Variants in EPB41 observed in about 807,000 individuals in gnomAD.
EPB41 encodes protein 4.1.
A neutral mutation model predicts 108.0 loss-of-function variants in EPB41; 65 were observed. That is an observed-to-expected ratio of 0.60 (90% CI 0.49 to 0.74). EPB41 has a LOEUF of 0.74. Ranked by LOEUF, EPB41 falls within the 30% of genes least tolerant of loss-of-function variation. EPB41 has a pLI of 0.00. For missense variants in EPB41, 875 were observed against 1,037.0 expected, an observed-to-expected ratio of 0.84 and a Z score of 2.15; for synonymous variants, 336 against 358.9, an observed-to-expected ratio of 0.94 and a Z score of 0.72.
chr1:29,076,621 G>A (rs1654176674), intron 16 of EPB41, among the ~76,000 whole-genome samples: 1 of 152,154 alleles, frequency 6.6e-6, no homozygotes, highest in Admixed American at 6.5e-5. Context: ...TTATGGAAAT[G>A]TACTTTCTGC....
chr1:29,000,081 G>A (rs1332907333), intron 4 of EPB41, among the ~76,000 whole-genome samples: 1 of 151,036 alleles, frequency 6.6e-6, no homozygotes, highest in East Asian at 2.0e-4. Flanking sequence ...GACCCACTAT[G>A]CCTTGCCACT....
rs953483696 is a variant in EPB41 at position 28,971,260 on chromosome 1, T to C, written c.-7-16171T>C. Among the ~76,000 whole-genome samples, 16 of 136,010 alleles carry C rather than the reference T, an allele frequency of 1.2e-4. No individual in the cohort carries two copies. In the South Asian group the frequency reaches 2.8e-3, roughly 23 times the overall value. 89.2% of individuals were successfully genotyped at this position (136,010 alleles called of 152,430 possible). Reference sequence around the variant, plus strand: ...GTGCAGTGGCGCGATCTTGGCTCACTGCAACCTCTGCCTCCCAGGTTCAAG... The same window carrying C: ...GTGCAGTGGCGCGATCTTGGCTCACCGCAACCTCTGCCTCCCAGGTTCAAG... On this transcript the variant is annotated intron_variant, in intron 1 of 20. Transcript: ENST00000343067.
At chr1:29,001,279 G>A (rs1357216345) in intron 4 of EPB41, among the ~76,000 whole-genome samples, 1 of 152,118 alleles carries the variant, frequency 6.6e-6, no homozygotes, top group Non-Finnish European at 1.5e-5. Context: ...GCAGGGAGCC[G>A]AGGTCACGCC....
intron 1 of EPB41, among the ~76,000 whole-genome samples, chr1:28,967,922 A>T (rs1057156986): frequency 6.7e-6 from 1 of 150,282 alleles, no homozygotes; most frequent in African/African-American, 2.5e-5. Flanking sequence ...TTCATTCCTC[A>T]ACCTCCTGAA....
intron 1 of EPB41, among the ~76,000 whole-genome samples, chr1:28,982,001 C>T (rs542551922): frequency 2.8e-4 from 43 of 151,916 alleles, no homozygotes; most frequent in South Asian, 6.2e-4. Context: ...CCCATTAACT[C>T]GTCATTTAGC....
intron 4 of EPB41, among the ~76,000 whole-genome samples, chr1:29,008,784 C>CAAA (rs2096453353): frequency 1.3e-5 from 2 of 152,202 alleles, no homozygotes; most frequent in Admixed American, 6.5e-5. Flanking sequence ...CTCCTCTTTG[C>CAAA]CTCTGTGCTC....
chr1:28,973,394 AT>A (rs2095535527), intron 1 of EPB41, among the ~76,000 whole-genome samples: 2 of 151,662 alleles, frequency 1.3e-5, no homozygotes, highest in African/African-American at 4.8e-5. Flanking sequence ...CCTTTTGTTT[AT>A]TTTTATTTTT....
At chr1:28,959,364 G>A (rs1333172532) in intron 1 of EPB41, among the ~76,000 whole-genome samples, 2 of 151,924 alleles carry the variant, frequency 1.3e-5, no homozygotes, top group Non-Finnish European at 2.9e-5. Context: ...TTACGGGCCT[G>A]TGCCACTACG....
chr1:29,057,797 T>C (rs1263873237), intron 12 of EPB41, among the ~76,000 whole-genome samples: 2 of 152,168 alleles, frequency 1.3e-5, no homozygotes, highest in Non-Finnish European at 2.9e-5. Context: ...ATTTCAAAGC[T>C]AGGCAGGAGA....
chr1:28,898,462 C>T (rs1253588729), intron 1 of EPB41, among the ~76,000 whole-genome samples: 1 of 152,246 alleles, frequency 6.6e-6, no homozygotes, highest in Non-Finnish European at 1.5e-5. Flanking sequence ...GAAGTGGGAA[C>T]AGCAGGCTTT....
Position 28,975,784 on chromosome 1 carries a change from C to T in EPB41, c.-7-11647C>T, listed in dbSNP as rs137902807. On this transcript the variant is annotated intron_variant, in intron 1 of 20. Coordinates refer to ENST00000343067, the MANE Select transcript of EPB41 (RefSeq NM_001376013.1). ...GAGCTCGAGAACATCCTGGCTAACACGGTGAAACCCCGTCTCTAATAAAAA... is the reference window on the plus strand; with the variant it reads ...GAGCTCGAGAACATCCTGGCTAACATGGTGAAACCCCGTCTCTAATAAAAA... Among the ~76,000 whole-genome samples, 568 of 151,768 alleles carry T rather than the reference C, an allele frequency of 3.7e-3. 6 individuals are homozygous for T. Among genetic ancestry groups the T allele is most frequent in the African/African-American group, 0.013 (528 of 41,390 alleles).
intron 1 of EPB41, among the ~76,000 whole-genome samples, chr1:28,984,396 A>T (rs754176978): frequency 9.9e-5 from 15 of 152,122 alleles, no homozygotes; most frequent in Non-Finnish European, 1.5e-4. Context: ...ATTTATTTTG[A>T]ATTTTTCTTT....
chr1:29,066,616 A>G (rs1184415948), intron 16 of EPB41, among the ~76,000 whole-genome samples: 1 of 152,182 alleles, frequency 6.6e-6, no homozygotes, highest in Admixed American at 6.5e-5. Context: ...TTTTCCCCCA[A>G]AACAATAGCA....
At chr1:29,077,245 A>G (rs1205278188) in intron 16 of EPB41, among the ~76,000 whole-genome samples, 1 of 152,024 alleles carries the variant, frequency 6.6e-6, no homozygotes, top group East Asian at 1.9e-4. Flanking sequence ...GTCAGTTTCT[A>G]TTGTTAATGT....
intron 2 of EPB41, among the ~76,000 whole-genome samples, chr1:28,991,681 G>A (rs2096021338): frequency 7.2e-6 from 1 of 138,038 alleles, no homozygotes; most frequent in Admixed American, 7.8e-5. Context: ...CAGCCTGGGT[G>A]ATAGAGTGAG....
chr1:28,908,665 C>T (rs1472669734), intron 1 of EPB41, among the ~76,000 whole-genome samples: 3 of 149,364 alleles, frequency 2.0e-5, no homozygotes, highest in African/African-American at 7.3e-5. Flanking sequence ...CTCCTGACCT[C>T]GTGATCCACC....
At chr1:29,083,843 G>A (rs1201576168) in intron 16 of EPB41, among the ~76,000 whole-genome samples, 1 of 152,148 alleles carries the variant, frequency 6.6e-6, no homozygotes, top group East Asian at 1.9e-4. Context: ...TTGTTAAAGA[G>A]AAGAATATAG....
chr1:29,080,411 CT>C (rs62880161), intron 16 of EPB41, among the ~76,000 whole-genome samples: 16,528 of 139,488 alleles, frequency 0.12, 1,055 homozygotes, highest in African/African-American at 0.22. Flanking sequence ...CCCTTTTTTT[CT>C]TTTTTTTTTT....
intron 1 of EPB41, among the ~76,000 whole-genome samples, chr1:28,922,238 G>C (rs2093150637): frequency 6.6e-6 from 1 of 151,410 alleles, no homozygotes; most frequent in African/African-American, 2.4e-5. Context: ...AAAGTGCTCA[G>C]ATCACAGGCA....
Sources: gnomAD v4.1 joint callset for allele counts (sites outside exome capture counted in the v4.1 genomes callset) on GRCh38, gnomAD v4.1.1 for gene constraint, MANE v1.5 for transcripts, NCBI Gene and HGNC (gene_info 2026-07-23, HGNC 2026-07-21) for gene names.